BICC1: variants seen among roughly 807,000 people sequenced by gnomAD.
The protein encoded by BICC1 is BicC family RNA binding protein 1.
Under a neutral mutation model 111.0 loss-of-function variants are expected in BICC1, and 43 were observed. The observed-to-expected ratio is 0.39, with a 90% CI of 0.30 to 0.50. The LOEUF is 0.50. BICC1 is among the 20% of genes least tolerant of loss of function. BICC1 has a pLI of 0.88. For synonymous variants in BICC1, 467 were observed against 434.4 expected (o/e 1.07, Z -0.93); for missense variants, 1,091 against 1,203.2 (o/e 0.91, Z 1.38).
intron 2 of BICC1, among the ~76,000 whole-genome samples, chr10:58,682,551 A>G (rs1420651399): frequency 6.6e-6 from 1 of 152,026 alleles, no homozygotes; most frequent in African/African-American, 2.4e-5. Flanking sequence ...CTTTTTAATG[A>G]TTGCCATTCT....
At chr10:58,603,203 A>G (rs1283480059) in intron 1 of BICC1, among the ~76,000 whole-genome samples, 1 of 152,190 alleles carries the variant, frequency 6.6e-6, no homozygotes, top group African/African-American at 2.4e-5. Context: ...ATTAAAAGAG[A>G]GAATTGTTTC....
rs779210221 is a variant in BICC1, at chr10:58,800,291, C to T, written c.1823C>T (p.Ser608Phe). The change falls in exon 13 of 21, where the codon TCT becomes TTT. Residue 608 changes from serine (S) to phenylalanine (F), a missense_variant. By Grantham distance (155) the Ser-to-Phe change is radical (BLOSUM62 -2). Transcript: ENST00000373886. Reference sequence around the variant, plus strand: ...GATCCGTCCATCCAGACAAGTGGGTCTGAGCAGACATCTCCCAAATCAAGC... The same window carrying T: ...GATCCGTCCATCCAGACAAGTGGGTTTGAGCAGACATCTCCCAAATCAAGC... Reference protein sequence around the residue: ...HGDPSIQTSGSEQTSPKSSPT... With the variant: ...HGDPSIQTSGFEQTSPKSSPT... The T allele has an allele frequency of 6.2e-7, 1 of 1,613,702 alleles. No homozygotes were observed. The highest frequency in any genetic ancestry group is 8.5e-7 in the Non-Finnish European group (1 of 1,179,818).
At chr10:58,525,991 C>CTTTTTTTTT in intron 1 of BICC1, among the ~76,000 whole-genome samples, 1 of 151,390 alleles carries the variant, frequency 6.6e-6, no homozygotes, top group Non-Finnish European at 1.5e-5. Flanking sequence ...GATTACATGG[C>CTTTTTTTTT]TTTTTTTTCT....
intron 3 of BICC1, among the ~76,000 whole-genome samples, chr10:58,759,816 G>A (rs897101955): frequency 6.6e-5 from 10 of 151,938 alleles, no homozygotes; most frequent in African/African-American, 1.2e-4. Flanking sequence ...AAAATTAGCC[G>A]GGCTTGGTGG....
intron 3 of BICC1, among the ~76,000 whole-genome samples, chr10:58,744,280 C>T (rs547928700): frequency 6.6e-6 from 1 of 152,142 alleles, no homozygotes; most frequent in Non-Finnish European, 1.5e-5. Flanking sequence ...CAGAAGATTG[C>T]TGTTTTAATA....
Position 58,609,179 on chromosome 10 carries a change from G to A in BICC1, c.191-11676G>A, listed in dbSNP as rs143268348. 1.4e-3 allele frequency among the ~76,000 whole-genome samples: 212 copies of A among 152,250 alleles called. 1 individual carries two copies. The highest frequency in any genetic ancestry group is 3.4e-3 in the Middle Eastern group (1 of 294). On this transcript the variant is annotated intron_variant, in intron 1 of 20. Transcript: ENST00000373886. ...GGCTGGGCCAAAGCTGGATATTAAGGAAATGATTATTAATGTTACATATTT... is the reference window on the plus strand; with the variant it reads ...GGCTGGGCCAAAGCTGGATATTAAGAAAATGATTATTAATGTTACATATTT...
chr10:58,715,910 A>T, intron 3 of BICC1: 1 of 1,263,534 alleles, frequency 7.9e-7, no homozygotes. Flanking sequence ...AATTCTTCTG[A>T]TTCTGAAGAT....
intron 3 of BICC1, among the ~76,000 whole-genome samples, chr10:58,738,674 G>T (rs77189332): frequency 0.99 from 128,498 of 129,178 alleles, 63,911 homozygotes; most frequent in Middle Eastern, 1. Flanking sequence ...TAAATTACCT[G>T]GGGCAGTATG....
chr10:58,743,324 T>C (rs1357817228), intron 3 of BICC1, among the ~76,000 whole-genome samples: 2 of 152,164 alleles, frequency 1.3e-5, no homozygotes, highest in Non-Finnish European at 2.9e-5. Context: ...CCAGTCTGGC[T>C]GTCACTTTTC....
rs749430284 is a variant in BICC1, at chr10:58,820,408, C to A, written c.2734C>A (p.Leu912Met). ...ATTCCTCACTCTCACAGATCAGGAT[C>A]TGAAGGAGCTGGGAATAACTACTTT... The part of the protein sequence containing the change: ...QTFLTLTDQD[L>M]KELGITTFGA... The change falls in exon 20 of 21, where the codon CTG becomes ATG. Residue 912 changes from leucine (L) to methionine (M), a missense_variant. Coordinates refer to ENST00000373886, the MANE Select transcript of BICC1 (RefSeq NM_001080512.3). 17 of 1,612,120 alleles carry A rather than the reference C, an allele frequency of 1.1e-5. No homozygotes were observed. The highest frequency in any genetic ancestry group is 1.4e-5 in the Non-Finnish European group (16 of 1,178,556).
chr10:58,637,000 C>T (rs543857807), intron 2 of BICC1, among the ~76,000 whole-genome samples: 20 of 151,776 alleles, frequency 1.3e-4, no homozygotes, highest in African/African-American at 4.6e-4. Flanking sequence ...CCTTCCATAT[C>T]TTTAGTTGCT....
intron 2 of BICC1, among the ~76,000 whole-genome samples, chr10:58,670,947 G>A (rs536047590): frequency 6.6e-6 from 1 of 152,300 alleles, no homozygotes; most frequent in African/African-American, 2.4e-5. Flanking sequence ...ACCCCATAGA[G>A]CAGGCACTGT....
In BICC1 at chr10:58,769,371, AATGTATGT is replaced by A. The variant is rs1208653134; in HGVS notation, c.308-15629_308-15622del. Among the ~76,000 whole-genome samples, 72 of 86,152 alleles carry A rather than the reference AATGTATGT, an allele frequency of 8.4e-4. 1 individual carries two copies. The highest frequency in any genetic ancestry group is 7.6e-3 in the Middle Eastern group (1 of 132). 56.5% of individuals were successfully genotyped at this position (86,152 alleles called of 152,430 possible). On this transcript the variant is annotated intron_variant, in intron 3 of 20. Transcript: ENST00000373886. Reference sequence around the variant, plus strand: ...ATGTTGATTGTGGTAATAGTTTTATAATGTATGTGTGTGTGTGTGTGTGTGTGTGTGTG... The same window carrying A: ...ATGTTGATTGTGGTAATAGTTTTATAGTGTGTGTGTGTGTGTGTGTGTGTG...
intron 3 of BICC1, among the ~76,000 whole-genome samples, chr10:58,751,606 A>G (rs1841993007): frequency 6.6e-6 from 1 of 152,170 alleles, no homozygotes; most frequent in Admixed American, 6.6e-5. Context: ...TGTTAAGCAG[A>G]TAATATTACT....
At chr10:58,777,040 G>C (rs1376439490) in intron 3 of BICC1, among the ~76,000 whole-genome samples, 1 of 151,442 alleles carries the variant, frequency 6.6e-6, no homozygotes, top group Non-Finnish European at 1.5e-5. Flanking sequence ...AAGAGAAAGT[G>C]GTTTATAAGA....
intron 1 of BICC1, among the ~76,000 whole-genome samples, chr10:58,579,960 T>G (rs1844231159): frequency 7.9e-6 from 1 of 126,952 alleles, no homozygotes; most frequent in African/African-American, 2.6e-5. Context: ...TTATATTACA[T>G]TTTGCCCTAA....
At chr10:58,602,598 C>G (rs958268828) in intron 1 of BICC1, among the ~76,000 whole-genome samples, 15 of 152,098 alleles carry the variant, frequency 9.9e-5, no homozygotes, top group Admixed American at 9.8e-4. Flanking sequence ...GCTTAGCCCT[C>G]AAAGCATCTA....
intron 3 of BICC1, among the ~76,000 whole-genome samples, chr10:58,731,098 A>G (rs530012579): frequency 9.2e-5 from 14 of 152,330 alleles, no homozygotes; most frequent in East Asian, 5.8e-4. Context: ...GTCAGGCTAT[A>G]TACTTGAATG....
chr10:58,648,493 T>A lies in BICC1; in HGVS notation c.237+27592T>A. The A allele has an allele frequency of 3.0e-6, 3 of 984,720 alleles. No individual in the cohort carries two copies. In the South Asian group the frequency reaches 1.4e-4, roughly 46 times the overall value. The allele number at this position is 984,720 out of a possible 1,614,324, so 61.0% of individuals were successfully genotyped here. On this transcript the variant is annotated intron_variant, in intron 2 of 20. Coordinates refer to ENST00000373886, the MANE Select transcript of BICC1 (RefSeq NM_001080512.3). ...TGGCATGTAGAATACTCTTGTATGC[T>A]GGCCACTCCACTCGGACTTAGTGTA...
Sources: allele counts gnomAD v4.1 joint callset (sites outside exome capture counted in the v4.1 genomes callset), GRCh38; gene constraint gnomAD v4.1.1; transcripts MANE v1.5; gene names NCBI Gene and HGNC (gene_info 2026-07-23, HGNC 2026-07-21).